SYT2: variants seen among roughly 807,000 people sequenced by gnomAD.
SYT2 encodes synaptotagmin 2.
A neutral mutation model predicts 39.9 loss-of-function variants in SYT2; 15 were observed. The ratio of observed to expected loss-of-function variants is 0.38; its 90% CI spans 0.25 to 0.58. SYT2 has a LOEUF of 0.58. Among genes scored for constraint, SYT2 ranks in the 20% least tolerant of loss-of-function variants. The pLI is 0.70. For missense variants in SYT2, 389 were observed against 530.3 expected (o/e 0.73, Z 2.62); for synonymous variants, 181 against 204.5 (o/e 0.89, Z 0.98).
At chr1:202,644,258 G>T (rs552501462) in intron 1 of SYT2, among the ~76,000 whole-genome samples, 1 of 152,084 alleles carries the variant, frequency 6.6e-6, no homozygotes, top group African/African-American at 2.4e-5. Flanking sequence ...GCTGGCACAG[G>T]ACCCCTTGCC....
chr1:202,701,689 G>C (rs978414156), intron 1 of SYT2, among the ~76,000 whole-genome samples: 3 of 152,176 alleles, frequency 2.0e-5, no homozygotes, highest in Admixed American at 6.5e-5. Flanking sequence ...CACCATCAAT[G>C]TCAAGCATGG....
rs1654368202 is a variant in SYT2, at chr1:202,710,429, A to G, written c.-189T>C. The G allele has an allele frequency of 6.6e-6, 1 of 152,240 alleles. No homozygotes were observed. 9.4% of individuals were successfully genotyped at this position (152,240 alleles called of 1,614,324 possible). ...CTCGGCTCCGAAGTGCCTTTGCCGC[A>G]AGACTTGCTGAGCTTAGCAGTCTGC... On this transcript the variant is annotated 5_prime_UTR_variant, in exon 1 of 9. Coordinates refer to ENST00000367268, the MANE Select transcript of SYT2 (RefSeq NM_177402.5).
At chr1:202,663,910 G>T (rs1692435656) in intron 1 of SYT2, among the ~76,000 whole-genome samples, 1 of 152,108 alleles carries the variant, frequency 6.6e-6, no homozygotes, top group Non-Finnish European at 1.5e-5. Flanking sequence ...GATGGGCTTG[G>T]GATCCAAGAA....
At chr1:202,651,118 G>A (rs1046229123) in intron 1 of SYT2, among the ~76,000 whole-genome samples, 2 of 152,176 alleles carry the variant, frequency 1.3e-5, no homozygotes, top group African/African-American at 4.8e-5. Context: ...CTGGCAGGAG[G>A]CAATGAGAAG....
In SYT2 at chr1:202,626,188, T is replaced by C. The variant is rs1691399785; in HGVS notation, c.-17-20399A>G. Reference sequence around the variant, plus strand: ...GGTAATGGGAGGGGGTGGACTACGATGCGGGTCACCTTACAGCCTCGGGGT... The same window carrying C: ...GGTAATGGGAGGGGGTGGACTACGACGCGGGTCACCTTACAGCCTCGGGGT... On this transcript the variant is annotated intron_variant, in intron 1 of 8. Transcript: ENST00000367268. 2.6e-5 allele frequency among the ~76,000 whole-genome samples: 4 copies of C among 151,970 alleles called. No individual in the cohort carries two copies. In the South Asian group the frequency reaches 6.2e-4, roughly 24 times the overall value.
chr1:202,643,992 G>T (rs1558445944), intron 1 of SYT2, among the ~76,000 whole-genome samples: 1 of 152,190 alleles, frequency 6.6e-6, no homozygotes, highest in Non-Finnish European at 1.5e-5. Flanking sequence ...ATTTGCTTCG[G>T]GAGATAAGGA....
chr1:202,699,108 A>G (rs1654049329), intron 1 of SYT2, among the ~76,000 whole-genome samples: 1 of 145,788 alleles, frequency 6.9e-6, no homozygotes, highest in Non-Finnish European at 1.5e-5. Context: ...CTGCAGCCTC[A>G]ACTTCCTGGG....
Position 202,616,334 on chromosome 1 carries a change from A to C in SYT2, c.-17-10545T>G, listed in dbSNP as rs181660998. On this transcript the variant is annotated intron_variant, in intron 1 of 8. Transcript: ENST00000367268. ...CAGGATCCCTCCTGACTTCTCAGGAAGTCTTTGCCATCCCTGCCCTTTCTT... is the reference window on the plus strand; with the variant it reads ...CAGGATCCCTCCTGACTTCTCAGGACGTCTTTGCCATCCCTGCCCTTTCTT... 5.9e-3 allele frequency among the ~76,000 whole-genome samples: 902 copies of C among 152,208 alleles called. 41 individuals are homozygous for C. Among genetic ancestry groups the C allele is most frequent in the Admixed American group, 0.055 (838 of 15,282 alleles).
chr1:202,670,843 G>A (rs796078513), intron 1 of SYT2, among the ~76,000 whole-genome samples: 1 of 152,366 alleles, frequency 6.6e-6, no homozygotes, highest in African/African-American at 2.4e-5. Context: ...TGTGGGCTCT[G>A]ACTAATCATA....
intron 1 of SYT2, among the ~76,000 whole-genome samples, chr1:202,609,908 A>G (rs1371148134): frequency 6.6e-6 from 1 of 152,112 alleles, no homozygotes; most frequent in Admixed American, 6.5e-5. Context: ...CCATTTGTCT[A>G]TTTTGGCTTT....
chr1:202,611,916 T>A (rs377408740), intron 1 of SYT2, among the ~76,000 whole-genome samples: 6 of 151,882 alleles, frequency 4.0e-5, no homozygotes, highest in African/African-American at 1.5e-4. Flanking sequence ...AGTGGCATGA[T>A]CATGGCTCAC....
intron 1 of SYT2, among the ~76,000 whole-genome samples, chr1:202,616,014 C>A (rs1260011665): frequency 6.6e-6 from 1 of 151,976 alleles, no homozygotes; most frequent in African/African-American, 2.4e-5. Context: ...TGGTGAAAAT[C>A]CCCCCACAGT....
At chr1:202,608,388 C>G (rs1186283927) in intron 1 of SYT2, among the ~76,000 whole-genome samples, 4 of 151,972 alleles carry the variant, frequency 2.6e-5, no homozygotes, top group Non-Finnish European at 5.9e-5. Flanking sequence ...GTGATCATCC[C>G]ACCTCAGCTT....
intron 1 of SYT2, among the ~76,000 whole-genome samples, chr1:202,626,864 C>G (rs1691431875): frequency 6.6e-6 from 1 of 152,158 alleles, no homozygotes; most frequent in South Asian, 2.1e-4. Context: ...CATTTCTTAG[C>G]TACAAACCGA....
At chr1:202,650,889 G>A (rs1463727884) in intron 1 of SYT2, among the ~76,000 whole-genome samples, 1 of 152,204 alleles carries the variant, frequency 6.6e-6, no homozygotes, top group Non-Finnish European at 1.5e-5. Context: ...AGGAAAGGCG[G>A]GTGTTTCAGG....
chr1:202,674,133 ACT>A (rs1572671879), intron 1 of SYT2, among the ~76,000 whole-genome samples: 1 of 151,982 alleles, frequency 6.6e-6, no homozygotes, highest in African/African-American at 2.4e-5. Flanking sequence ...ACAGAGTCTC[ACT>A]CTGTCACCTG....
At chr1:202,673,889 TG>T (rs1244282230) in intron 1 of SYT2, among the ~76,000 whole-genome samples, 61 of 152,340 alleles carry the variant, frequency 4.0e-4, no homozygotes, top group African/African-American at 1.4e-3. Flanking sequence ...ATTAGAAGCC[TG>T]AATGAGATTG....
intron 1 of SYT2, among the ~76,000 whole-genome samples, chr1:202,704,571 C>T (rs1209960248): frequency 1.3e-5 from 2 of 152,104 alleles, no homozygotes; most frequent in Admixed American, 1.3e-4. Context: ...CTGGAGTCTC[C>T]GAAGGAGAGA....
In SYT2 at chr1:202,623,570, C is replaced by A. The variant is rs1691260678; in HGVS notation, c.-17-17781G>T. 6.6e-6 allele frequency among the ~76,000 whole-genome samples: 1 copy of A among 152,214 alleles called. No homozygotes were observed. The highest frequency in any genetic ancestry group is 2.4e-5 in the African/African-American group (1 of 41,452). On this transcript the variant is annotated intron_variant, in intron 1 of 8. Coordinates refer to ENST00000367268, the MANE Select transcript of SYT2 (RefSeq NM_177402.5). The surrounding 1 kb of genome is among the most constrained non-coding windows in gnomAD (Gnocchi z 4.2). ...GGAGCAGGCCGGGAAGGGTGGGCGACCCGGAATGAGTGATTGAGTGGGGAC... is the reference window on the plus strand; with the variant it reads ...GGAGCAGGCCGGGAAGGGTGGGCGAACCGGAATGAGTGATTGAGTGGGGAC...
Sources: gnomAD v4.1 joint callset for allele counts (sites outside exome capture counted in the v4.1 genomes callset) on GRCh38, gnomAD v4.1.1 for gene constraint, Gnocchi (gnomAD v3.1) non-coding constraint, MANE v1.5 for transcripts, NCBI Gene and HGNC (gene_info 2026-07-23, HGNC 2026-07-21) for gene names.